PTPRD: variants seen among roughly 807,000 people sequenced by gnomAD.
PTPRD encodes protein tyrosine phosphatase receptor type D.
A neutral mutation model predicts 214.5 loss-of-function variants in PTPRD; 34 were observed. That is an observed-to-expected ratio of 0.16 (90% confidence interval 0.12 to 0.21). The LOEUF (loss-of-function observed/expected upper bound fraction) is 0.21, where lower values mean the gene tolerates loss of function less well. Among genes scored for constraint, PTPRD ranks in the 10% least tolerant of loss-of-function variants. The pLI, the probability that PTPRD is intolerant of heterozygous loss-of-function variation, is 1.00. For synonymous variants in PTPRD, 1,128 were observed against 845.7 expected, an observed-to-expected ratio of 1.33 and a Z score of -5.79; for missense variants, 2,545 against 2,398.7, an observed-to-expected ratio of 1.06 and a Z score of -1.27.
chr9:9,756,542 A>G (rs1219663893), intron 6 of PTPRD, among the ~76,000 whole-genome samples: 1 of 152,130 alleles, frequency 6.6e-6, no homozygotes, highest in African/African-American at 2.4e-5. Flanking sequence ...GGTCCACACA[A>G]CTTATTCAAG....
intron 2 of PTPRD, among the ~76,000 whole-genome samples, chr9:10,541,943 T>G (rs1344231716): frequency 2.0e-5 from 3 of 152,116 alleles, no homozygotes; most frequent in Non-Finnish European, 2.9e-5. Flanking sequence ...GAAGTTCCAT[T>G]AATTGGCATA....
At chr9:10,083,670 A>G (rs2098279521) in intron 3 of PTPRD, among the ~76,000 whole-genome samples, 2 of 152,012 alleles carry the variant, frequency 1.3e-5, no homozygotes, top group Admixed American at 6.6e-5. Context: ...GTGGTTACCA[A>G]TCTTTTTGGC....
At chr9:9,686,505 T>G (rs1034095271) in intron 7 of PTPRD, among the ~76,000 whole-genome samples, 11 of 151,456 alleles carry the variant, frequency 7.3e-5, no homozygotes, top group Admixed American at 6.6e-4. Flanking sequence ...ATGTAGATAT[T>G]ATCTATTCAC....
intron 2 of PTPRD, among the ~76,000 whole-genome samples, chr9:10,462,563 G>C (rs1000210364): frequency 6.6e-6 from 1 of 152,058 alleles, no homozygotes; most frequent in Non-Finnish European, 1.5e-5. Context: ...CAGGACATAA[G>C]AAAAACTATC....
intron 11 of PTPRD, among the ~76,000 whole-genome samples, chr9:8,882,548 C>T (rs2098455131): frequency 6.6e-6 from 1 of 152,080 alleles, no homozygotes; most frequent in South Asian, 2.1e-4. Flanking sequence ...GCATCTTTCT[C>T]CTCCTATGGC....
At chr9:8,964,268 T>C (rs1427544415) in intron 11 of PTPRD, among the ~76,000 whole-genome samples, 1 of 140,574 alleles carries the variant, frequency 7.1e-6, no homozygotes, top group African/African-American at 2.6e-5. Flanking sequence ...TTTCAAATTC[T>C]TCCTAATTCA....
At chr9:9,461,637 C>A (rs147111445) in intron 8 of PTPRD, among the ~76,000 whole-genome samples, 1 of 151,962 alleles carries the variant, frequency 6.6e-6, no homozygotes, top group Non-Finnish European at 1.5e-5. Context: ...ATACTCATAC[C>A]CTCAAAAGGT....
chr9:9,737,290 T>C (rs2098316230), intron 6 of PTPRD, among the ~76,000 whole-genome samples: 1 of 152,176 alleles, frequency 6.6e-6, no homozygotes, highest in African/African-American at 2.4e-5. Context: ...AATAATATGC[T>C]TTGATAGCTG....
chr9:9,761,273 C>G (rs927085032), intron 6 of PTPRD, among the ~76,000 whole-genome samples: 1 of 152,030 alleles, frequency 6.6e-6, no homozygotes, highest in Non-Finnish European at 1.5e-5. Context: ...TTAGGCTAAG[C>G]AAAAACCCAA....
At position 8,627,113 on chromosome 9, in the gene PTPRD, G is replaced by C. The variant is rs188705348; in HGVS notation, c.352+6204C>G. Among the ~76,000 whole-genome samples, 176 of 151,792 alleles carry C rather than the reference G, an allele frequency of 1.2e-3. 1 individual carries two copies. Among genetic ancestry groups the C allele is most frequent in the African/African-American group, 3.6e-3 (150 of 41,454 alleles). On this transcript the variant is annotated intron_variant, in intron 14 of 45. Transcript: ENST00000381196. The stretch of plus-strand genomic sequence containing the variant: ...CCAGCAGTCTCCTCACTCTCACAGT[G>C]TATCATCCATGTAGCATTTTACACA...
chr9:9,082,951 A>C (rs1317445422), intron 10 of PTPRD, among the ~76,000 whole-genome samples: 4 of 152,210 alleles, frequency 2.6e-5, no homozygotes, highest in Non-Finnish European at 5.9e-5. Context: ...AGGAAGAATC[A>C]ATATCATGAA....
At chr9:9,016,176 G>C (rs1444199364) in intron 11 of PTPRD, among the ~76,000 whole-genome samples, 3 of 152,108 alleles carry the variant, frequency 2.0e-5, no homozygotes, top group Admixed American at 2.0e-4. Flanking sequence ...AAGCGAAATT[G>C]CTTTTCCTCT....
intron 3 of PTPRD, among the ~76,000 whole-genome samples, chr9:10,280,221 T>C (rs1409633266): frequency 6.6e-6 from 1 of 151,940 alleles, no homozygotes; most frequent in African/African-American, 2.4e-5. Flanking sequence ...ACCTAAGGAG[T>C]TTTAACAATA....
chr9:10,180,178 A>G (rs1369641152), intron 3 of PTPRD, among the ~76,000 whole-genome samples: 1 of 152,102 alleles, frequency 6.6e-6, no homozygotes, highest in East Asian at 1.9e-4. Context: ...ATATCAGAAA[A>G]TATTTCAATC....
At chr9:8,335,777 G>C (rs1404622512) in intron 43 of PTPRD, among the ~76,000 whole-genome samples, 2 of 152,130 alleles carry the variant, frequency 1.3e-5, no homozygotes, top group South Asian at 2.1e-4. Flanking sequence ...AAGCTGATAA[G>C]AAACTTCAGC....
chr9:8,408,700 A>G (rs1031576200), intron 35 of PTPRD, among the ~76,000 whole-genome samples: 1 of 152,174 alleles, frequency 6.6e-6, no homozygotes, highest in African/African-American at 2.4e-5. Flanking sequence ...TATAGCGTCT[A>G]AAGTTTTACC....
intron 10 of PTPRD, among the ~76,000 whole-genome samples, chr9:9,167,941 T>C (rs1417239933): frequency 6.6e-6 from 1 of 152,174 alleles, no homozygotes; most frequent in Non-Finnish European, 1.5e-5. Flanking sequence ...CCCTCTCACA[T>C]GCCAACGAAA....
At chr9:9,612,906 T>C (rs367809121) in intron 7 of PTPRD, among the ~76,000 whole-genome samples, 71 of 151,964 alleles carry the variant, frequency 4.7e-4, no homozygotes, top group Non-Finnish European at 8.8e-4. Flanking sequence ...AATACTGAGA[T>C]ATTTTCTAGG....
chr9:8,390,781 G>C (rs1203163469), intron 36 of PTPRD, among the ~76,000 whole-genome samples: 2 of 152,146 alleles, frequency 1.3e-5, no homozygotes, highest in East Asian at 3.9e-4. Flanking sequence ...GGGAATGAAA[G>C]CTACTCCATA....
Sources: allele counts gnomAD v4.1 joint callset (sites outside exome capture counted in the v4.1 genomes callset), GRCh38; gene constraint gnomAD v4.1.1; transcripts MANE v1.5; gene names NCBI Gene and HGNC (gene_info 2026-07-23, HGNC 2026-07-21).